LIN9: variants seen among roughly 807,000 people sequenced by gnomAD.
The protein encoded by LIN9 is protein lin-9 homolog.
Under a neutral mutation model 78.0 loss-of-function variants are expected in LIN9, and 18 were observed. That is an observed-to-expected ratio of 0.23 (90% confidence interval 0.16 to 0.34). LIN9 has a LOEUF of 0.34. Among genes scored for constraint, LIN9 ranks in the 10% least tolerant of loss-of-function variants. The pLI is 1.00. For missense variants in LIN9, 451 were observed against 644.1 expected (o/e 0.70, Z 3.25); for synonymous variants, 192 against 215.2 (o/e 0.89, Z 0.94).
chr1:226,309,218 G>A (rs1576372795), upstream of LIN9: 3 of 1,447,064 alleles, frequency 2.1e-6, no homozygotes, highest in Admixed American at 2.1e-5. Context: ...TGCGAGGGAG[G>A]TTCGAATGCG....
intron 11 of LIN9, among the ~76,000 whole-genome samples, chr1:226,246,448 T>C (rs907562940): frequency 2.0e-5 from 3 of 152,222 alleles, no homozygotes; most frequent in Non-Finnish European, 2.9e-5. Context: ...CTGGGTACTC[T>C]AACATTTTTT....
In LIN9 at chr1:226,265,968, C is replaced by A. The variant is rs1025852388; in HGVS notation, c.936+245G>T. Among the ~76,000 whole-genome samples, 2 of 152,088 alleles carry A rather than the reference C, an allele frequency of 1.3e-5. No homozygotes were observed. Among genetic ancestry groups the A allele is most frequent in the Non-Finnish European group, 2.9e-5 (2 of 68,030 alleles). On this transcript the variant is annotated intron_variant, in intron 9 of 14. Coordinates refer to ENST00000681046, the MANE Select transcript of LIN9 (RefSeq NM_001366245.2). The surrounding 1 kb of genome is among the most constrained non-coding windows in gnomAD (Gnocchi z 4.1). ...CTGGGATTACAGGCGTGAGCCACTG[C>A]GCCCGGCCAGGAAGTATCTTATTTT...
At chr1:226,273,377 G>A (rs931367975) in intron 7 of LIN9, among the ~76,000 whole-genome samples, 5 of 150,114 alleles carry the variant, frequency 3.3e-5, no homozygotes, top group Admixed American at 2.7e-4. Flanking sequence ...GCCTTCCAAG[G>A]AACTGGAACT....
chr1:226,295,380 CA>C (rs1662078698), intron 4 of LIN9, among the ~76,000 whole-genome samples: 1 of 151,750 alleles, frequency 6.6e-6, no homozygotes, highest in Admixed American at 6.6e-5. Flanking sequence ...ACCCGGGAGG[CA>C]AAAGTAGCAG....
intron 10 of LIN9, among the ~76,000 whole-genome samples, chr1:226,256,241 A>C (rs1402199023): frequency 6.6e-6 from 1 of 152,072 alleles, no homozygotes; most frequent in East Asian, 1.9e-4. Context: ...AAGGAAAAAA[A>C]AATCCTGAAA....
chr1:226,257,505 T>C (rs1197625030), intron 10 of LIN9, among the ~76,000 whole-genome samples: 2 of 152,148 alleles, frequency 1.3e-5, no homozygotes, highest in East Asian at 1.9e-4. Context: ...AGAGCAATGA[T>C]ACAAAGGAAA....
chr1:226,266,477 T>C, intron 8 of LIN9, 145 bp from the exon 9 acceptor site: 1 of 500,684 alleles, frequency 2.0e-6, no homozygotes, highest in South Asian at 4.8e-5. Flanking sequence ...TAATTATTTA[T>C]AGAGTAGCAT....
At chr1:226,296,569 G>A (rs1182628361) in intron 3 of LIN9, among the ~76,000 whole-genome samples, 1 of 152,152 alleles carries the variant, frequency 6.6e-6, no homozygotes, top group Non-Finnish European at 1.5e-5. Flanking sequence ...TAGGTTCAGA[G>A]GTTTCATTAA....
chr1:226,253,773 G>C (rs868033757), intron 10 of LIN9, among the ~76,000 whole-genome samples: 3 of 152,022 alleles, frequency 2.0e-5, no homozygotes, highest in African/African-American at 7.2e-5. Context: ...AAATTTAGCC[G>C]GCATGATGGC....
intron 7 of LIN9, among the ~76,000 whole-genome samples, chr1:226,270,331 G>C (rs182445648): frequency 2.6e-5 from 4 of 152,150 alleles, no homozygotes; most frequent in Admixed American, 2.0e-4. Flanking sequence ...ATCAGTATTT[G>C]CATAGCCAAG....
chr1:226,258,212 A>G (rs1220016651), intron 10 of LIN9, among the ~76,000 whole-genome samples: 1 of 133,974 alleles, frequency 7.5e-6, no homozygotes, highest in Non-Finnish European at 1.6e-5. Context: ...ACAAACAAAC[A>G]AAACAGGGCT....
upstream of LIN9, chr1:226,309,408 G>C (rs1213366566): frequency 4.0e-6 from 4 of 993,788 alleles, no homozygotes; most frequent in African/African-American, 7.0e-5. Context: ...GCCGCACGGC[G>C]AGGCCCGGCG....
intron 6 of LIN9, among the ~76,000 whole-genome samples, chr1:226,281,886 G>A (rs1430008633): frequency 2.0e-5 from 3 of 151,846 alleles, no homozygotes; most frequent in East Asian, 3.9e-4. Flanking sequence ...TAGAGACGGG[G>A]TTTCACCATA....
chr1:226,238,451 C>T (rs1259446459), intron 12 of LIN9, among the ~76,000 whole-genome samples: 2 of 151,896 alleles, frequency 1.3e-5, no homozygotes, highest in Non-Finnish European at 2.9e-5. Context: ...AGCAACATAG[C>T]GAGACTTCAT....
intron 4 of LIN9, among the ~76,000 whole-genome samples, chr1:226,290,036 T>C (rs1386482628): frequency 1.3e-5 from 2 of 152,148 alleles, no homozygotes; most frequent in Non-Finnish European, 2.9e-5. Context: ...CAAAGTTACA[T>C]TTGATCCTTA....
intron 7 of LIN9, among the ~76,000 whole-genome samples, chr1:226,275,720 A>G (rs866022966): frequency 4.1e-5 from 6 of 144,588 alleles, no homozygotes; most frequent in African/African-American, 1.2e-4. Flanking sequence ...AAAGAAAAAA[A>G]GAAAAAATAG....
intron 12 of LIN9, among the ~76,000 whole-genome samples, chr1:226,238,762 C>T (rs1474839506): frequency 6.6e-6 from 1 of 152,030 alleles, no homozygotes; most frequent in Non-Finnish European, 1.5e-5. Flanking sequence ...TTATTTGTAT[C>T]TTGAACCAAA....
intron 4 of LIN9, among the ~76,000 whole-genome samples, chr1:226,294,976 T>C (rs1029633906): frequency 6.6e-6 from 1 of 151,954 alleles, no homozygotes; most frequent in Non-Finnish European, 1.5e-5. Context: ...TTTTTTTGTA[T>C]GTTTAGTAGA....
intron 6 of LIN9, among the ~76,000 whole-genome samples, chr1:226,281,907 T>G (rs372440640): frequency 1.3e-5 from 2 of 152,134 alleles, no homozygotes; most frequent in South Asian, 4.1e-4. Flanking sequence ...TTGGCCAGGC[T>G]GCTCTCGAAC....
Sources: allele counts gnomAD v4.1 joint callset (sites outside exome capture counted in the v4.1 genomes callset), GRCh38; gene constraint gnomAD v4.1.1; non-coding constraint Gnocchi (gnomAD v3.1); transcripts MANE v1.5; gene names NCBI Gene and HGNC (gene_info 2026-07-23, HGNC 2026-07-21).